The following CYB5R4 variants were observed in gnomAD, a reference collection of about 807,000 sequenced individuals.
CYB5R4 encodes the protein cytochrome b5 reductase 4, also known as N-terminal cytochrome b5 and cytochrome b5 oxidoreductase domain-containing protein.
A neutral mutation model predicts 70.2 loss-of-function variants in CYB5R4; 55 were observed. That is an observed-to-expected ratio of 0.78 (90% CI 0.63 to 0.98). CYB5R4 has a LOEUF of 0.98. Among genes scored for constraint, CYB5R4 ranks in the 50% least tolerant of loss-of-function variants. The probability of loss-of-function intolerance (pLI) is 0.00; values close to 1 mark genes in which losing one functional copy is unlikely to be tolerated. For synonymous variants in CYB5R4, 197 were observed against 199.5 expected, an observed-to-expected ratio of 0.99 and a Z score of 0.11; for missense variants, 562 against 612.6, an observed-to-expected ratio of 0.92 and a Z score of 0.87.
chr6:83,947,882 G>A (rs752307449), intron 14 of CYB5R4, among the ~76,000 whole-genome samples: 5 of 152,166 alleles, frequency 3.3e-5, no homozygotes, highest in Non-Finnish European at 1.5e-5. Flanking sequence ...ACATGCTGGA[G>A]AGGGTGTGGA....
chr6:83,934,729 A>G lies in CYB5R4; in HGVS notation c.949A>G (p.Ile317Val), dbSNP rs772552189. ...IGQHVYLKLPITGTEIVKPYT... is the reference protein window; with the variant it reads ...IGQHVYLKLPVTGTEIVKPYT... Reference sequence around the variant, plus strand: ...GCAACATGTTTACCTCAAGCTACCTATTACAGGTAAGGTGAATAGAGGCTT... The same window carrying G: ...GCAACATGTTTACCTCAAGCTACCTGTTACAGGTAAGGTGAATAGAGGCTT... Residue 317 changes from isoleucine to valine, a missense_variant, in exon 11 of 16, where the codon ATT becomes GTT. Physicochemically the swap from Ile to Val is conservative, Grantham distance 29. Coordinates refer to ENST00000369681, the MANE Select transcript of CYB5R4 (RefSeq NM_016230.4). 43 of 1,611,896 alleles carry G rather than the reference A, an allele frequency of 2.7e-5. No individual in the cohort carries two copies. The highest frequency in any genetic ancestry group is 3.3e-5 in the Non-Finnish European group (39 of 1,179,192).
chr6:83,966,185 A>C lies in CYB5R4; in HGVS notation c.*6307A>C, dbSNP rs1319948565. On this transcript the variant is annotated 3_prime_UTR_variant, in exon 16 of 16. Coordinates refer to ENST00000369681, the MANE Select transcript of CYB5R4 (RefSeq NM_016230.4). ...TTTTTGAAATGCTAAAATATTCTGA[A>C]GTTTACTGTGGTTATGGTTGCACAT... is the stretch of plus-strand genomic sequence containing the variant. 6.6e-6 allele frequency: 1 copy of C among 152,150 alleles called. No individual in the cohort carries two copies. The highest frequency in any genetic ancestry group is 1.5e-5 in the Non-Finnish European group (1 of 68,036). The allele number at this position is 152,150 out of a possible 1,614,324, so 9.4% of individuals were successfully genotyped here. A position where few individuals can be genotyped will look rare whatever the true frequency, so the allele number is the denominator to read the frequency against.
At chr6:83,916,395 A>G (rs1479223993) in intron 5 of CYB5R4, among the ~76,000 whole-genome samples, 1 of 152,174 alleles carries the variant, frequency 6.6e-6, no homozygotes, top group Non-Finnish European at 1.5e-5. Context: ...TTATTTATAT[A>G]CTTAAGAGAC....
intron 2 of CYB5R4, among the ~76,000 whole-genome samples, chr6:83,874,925 CAA>C (rs2099458286): frequency 6.6e-6 from 1 of 151,982 alleles, no homozygotes; most frequent in African/African-American, 2.4e-5. Context: ...CAGGTTCAAA[CAA>C]TTCTCCTGCC....
At position 83,966,060 on chromosome 6, in the gene CYB5R4, G is replaced by T. The variant is rs1413844215; in HGVS notation, c.*6182G>T. ...TTATCAGCAGTGATTCTATTCCTAT[G>T]AAATGTCTAGAACAGGAAAATCTAT... On this transcript the variant is annotated 3_prime_UTR_variant, in exon 16 of 16. Transcript: ENST00000369681. 1 of 152,180 alleles carries T rather than the reference G, an allele frequency of 6.6e-6. No homozygotes were observed. The highest frequency in any genetic ancestry group is 1.5e-5 in the Non-Finnish European group (1 of 68,036). 9.4% of individuals were successfully genotyped at this position (152,180 alleles called of 1,614,324 possible). A position where few individuals can be genotyped will look rare whatever the true frequency, so the allele number is the denominator to read the frequency against.
intron 5 of CYB5R4, among the ~76,000 whole-genome samples, chr6:83,916,732 A>AT (rs1400190379): frequency 2.6e-5 from 4 of 152,196 alleles, no homozygotes; most frequent in South Asian, 4.1e-4. Context: ...TCAGAAAAAT[A>AT]TGACTGTTTT....
chr6:83,924,153 T>G (rs1340150159), intron 9 of CYB5R4, among the ~76,000 whole-genome samples: 1 of 151,246 alleles, frequency 6.6e-6, no homozygotes, highest in Non-Finnish European at 1.5e-5. Flanking sequence ...TTTTTTTTTT[T>G]TTTTTTGTTA....
chr6:83,865,602 C>A (rs2129127675), intron 2 of CYB5R4, among the ~76,000 whole-genome samples: 1 of 152,174 alleles, frequency 6.6e-6, no homozygotes, highest in Middle Eastern at 3.4e-3. Context: ...TTTATATGGA[C>A]CCTAATCATA....
rs1411604936 is a variant in CYB5R4, at chr6:83,964,989, GA to G, written c.*5113del. On this transcript the variant is annotated 3_prime_UTR_variant, in exon 16 of 16. Coordinates refer to ENST00000369681, the MANE Select transcript of CYB5R4 (RefSeq NM_016230.4). ...ACAGAAGTCAAGAAATGGGGTTTGG[GA>G]ACCTCTGTCTAGATTTCAGAAGATG... is the stretch of plus-strand genomic sequence containing the variant. 6.6e-6 allele frequency: 1 copy of G among 152,244 alleles called. No homozygotes were observed. The highest frequency in any genetic ancestry group is 1.5e-5 in the Non-Finnish European group (1 of 68,084). The allele number at this position is 152,244 out of a possible 1,614,324, so 9.4% of individuals were successfully genotyped here.
At chr6:83,937,688 T>C (rs1401228147) in intron 12 of CYB5R4, among the ~76,000 whole-genome samples, 1 of 152,132 alleles carries the variant, frequency 6.6e-6, no homozygotes, top group African/African-American at 2.4e-5. Flanking sequence ...CTGGCTAATA[T>C]TTGTATTTTT....
intron 5 of CYB5R4, among the ~76,000 whole-genome samples, chr6:83,914,691 C>T (rs1000139262): frequency 2.6e-5 from 4 of 152,056 alleles, no homozygotes; most frequent in Non-Finnish European, 5.9e-5. Flanking sequence ...GTGCACACCA[C>T]ACACCTGGCT....
intron 15 of CYB5R4, among the ~76,000 whole-genome samples, chr6:83,957,695 A>C (rs1305100861): frequency 1.3e-5 from 2 of 151,842 alleles, no homozygotes; most frequent in East Asian, 3.9e-4. Context: ...CCTCAGAGCC[A>C]ATCTTTCAAT....
At chr6:83,906,321 G>A (rs1469538862) in intron 3 of CYB5R4, among the ~76,000 whole-genome samples, 1 of 152,158 alleles carries the variant, frequency 6.6e-6, no homozygotes, top group East Asian at 1.9e-4. Flanking sequence ...TTCAGTCTGG[G>A]TTCTGCTGGG....
At chr6:83,905,044 T>TTTTG (rs1283570219) in intron 3 of CYB5R4, among the ~76,000 whole-genome samples, 1 of 151,768 alleles carries the variant, frequency 6.6e-6, no homozygotes, top group Non-Finnish European at 1.5e-5. Flanking sequence ...TGTATGTTTG[T>TTTTG]TTTGTTTGTT....
intron 2 of CYB5R4, among the ~76,000 whole-genome samples, chr6:83,889,173 T>C (rs2099460727): frequency 6.6e-6 from 1 of 152,236 alleles, no homozygotes; most frequent in Non-Finnish European, 1.5e-5. Flanking sequence ...ATGTAGAAGC[T>C]GCAGCAAGTT....
chr6:83,941,104 C>T (rs777082853), intron 14 of CYB5R4, among the ~76,000 whole-genome samples: 18 of 152,102 alleles, frequency 1.2e-4, no homozygotes, highest in East Asian at 7.7e-4. Context: ...AACACTTCTT[C>T]GCTCTTTCAC....
chr6:83,882,348 T>A (rs2099459577), intron 2 of CYB5R4, among the ~76,000 whole-genome samples: 1 of 152,162 alleles, frequency 6.6e-6, no homozygotes, highest in East Asian at 1.9e-4. Flanking sequence ...GAGAAGGGTA[T>A]AAACTGTCTA....
At position 83,940,201 on chromosome 6, in the gene CYB5R4, T is replaced by C. The variant is rs1291094121; in HGVS notation, c.1254T>C (p.Ser418=). The change falls in exon 13 of 16, where the codon AGT becomes AGC. Residue 418 remains serine (S), a synonymous_variant. Transcript: ENST00000369681. ...ILNYALTDIP[S]LRKVKLMFFN... ...ATTATGCTTTGACTGATATACCCAGTCTCAGGTATGTAATTTTGTCTCTAA... is the reference window on the plus strand; with the variant it reads ...ATTATGCTTTGACTGATATACCCAGCCTCAGGTATGTAATTTTGTCTCTAA... The C allele has an allele frequency of 6.2e-7, 1 of 1,601,388 alleles. No homozygotes were observed. Among genetic ancestry groups the C allele is most frequent in the South Asian group, 1.1e-5 (1 of 88,646 alleles).
At chr6:83,904,985 T>C (rs1256028731) in intron 3 of CYB5R4, among the ~76,000 whole-genome samples, 1 of 152,138 alleles carries the variant, frequency 6.6e-6, no homozygotes, top group Non-Finnish European at 1.5e-5. Context: ...TGTGTCCTTA[T>C]GTTGATATTG....
Sources: gnomAD v4.1 joint callset for allele counts (sites outside exome capture counted in the v4.1 genomes callset) on GRCh38, gnomAD v4.1.1 for gene constraint, MANE v1.5 for transcripts, NCBI Gene and HGNC (gene_info 2026-07-23, HGNC 2026-07-21) for gene names.